Variants in IMMP2L observed in about 807,000 individuals in gnomAD.
The protein encoded by IMMP2L is inner mitochondrial membrane peptidase subunit 2.
A neutral mutation model predicts 19.3 loss-of-function variants in IMMP2L; 18 were observed. The observed-to-expected ratio is 0.93, with a 90% CI of 0.64 to 1.38. The LOEUF is 1.38. Ranked by LOEUF, IMMP2L falls within the 40% of genes most tolerant of loss-of-function variation. The probability of loss-of-function intolerance (pLI) is 0.00; values close to 1 mark genes in which losing one functional copy is unlikely to be tolerated. For missense variants in IMMP2L, 233 were observed against 218.2 expected (o/e 1.07, Z -0.43); for synonymous variants, 76 against 73.0 (o/e 1.04, Z -0.21).
intron 3 of IMMP2L, among the ~76,000 whole-genome samples, chr7:111,189,585 T>C (rs2129612718): frequency 6.6e-6 from 1 of 151,772 alleles, no homozygotes; most frequent in Middle Eastern, 3.4e-3. Flanking sequence ...TAAATATTGG[T>C]CCACATTCTC....
chr7:111,542,575 A>G (rs1005533047), intron 1 of IMMP2L, among the ~76,000 whole-genome samples: 1 of 152,152 alleles, frequency 6.6e-6, no homozygotes, highest in Non-Finnish European at 1.5e-5. Flanking sequence ...CCAGTTATTC[A>G]TAACTCCCAA....
intron 5 of IMMP2L, among the ~76,000 whole-genome samples, chr7:110,761,026 G>A (rs1174735599): frequency 6.6e-6 from 1 of 152,156 alleles, no homozygotes; most frequent in African/African-American, 2.4e-5. Context: ...TTGCTGATGA[G>A]TAAGGGAGAA....
chr7:111,359,938 G>A (rs534478954), intron 3 of IMMP2L, among the ~76,000 whole-genome samples: 17 of 152,006 alleles, frequency 1.1e-4, no homozygotes, highest in African/African-American at 3.9e-4. Context: ...ATGTTCTCTT[G>A]GAGTACAGAA....
rs1562932588 is a variant in IMMP2L at position 111,213,121 on chromosome 7, GC to G, written c.240-249557del. On this transcript the variant is annotated intron_variant, in intron 3 of 5. Coordinates refer to ENST00000405709, the MANE Select transcript of IMMP2L (RefSeq NM_032549.4). This position sits in a 1 kb window ranked among gnomAD's most constrained non-coding sequence, Gnocchi z 4.8. ...TCTACACTCTTGGAGGCCAGGAAAG[GC>G]CCCCTGTCTCTGCAGGCTCAGAGGT... Among the ~76,000 whole-genome samples, 1 of 152,238 alleles carries G rather than the reference GC, an allele frequency of 6.6e-6. No homozygotes were observed. The highest frequency in any genetic ancestry group is 1.9e-4 in the East Asian group (1 of 5,192).
chr7:111,059,155 T>C (rs2129574269), intron 3 of IMMP2L, among the ~76,000 whole-genome samples: 1 of 152,124 alleles, frequency 6.6e-6, no homozygotes, highest in African/African-American at 2.4e-5. Flanking sequence ...GCTAATTTTT[T>C]ATATTTTCAG....
chr7:110,718,489 T>G (rs910658844), intron 5 of IMMP2L, among the ~76,000 whole-genome samples: 3 of 152,218 alleles, frequency 2.0e-5, no homozygotes, highest in Admixed American at 6.5e-5. Context: ...TGGCATTCAG[T>G]GTTTTTAGTA....
intron 3 of IMMP2L, among the ~76,000 whole-genome samples, chr7:111,192,114 AAG>A (rs1808949018): frequency 6.6e-6 from 1 of 152,148 alleles, no homozygotes; most frequent in Non-Finnish European, 1.5e-5. Context: ...ACCCAAGTGG[AAG>A]AGAGAATTTT....
At chr7:110,842,823 TG>T (rs1470356463) in intron 5 of IMMP2L, among the ~76,000 whole-genome samples, 1 of 152,154 alleles carries the variant, frequency 6.6e-6, no homozygotes. Context: ...TGACTAAGCC[TG>T]ACAGAGCTTA....
At chr7:110,802,242 T>C (rs148002583) in intron 5 of IMMP2L, among the ~76,000 whole-genome samples, 8 of 151,988 alleles carry the variant, frequency 5.3e-5, no homozygotes, top group African/African-American at 1.9e-4. Context: ...TTTCATGAAA[T>C]TAGAGGTCCT....
At chr7:111,339,540 C>T (rs1184183238) in intron 3 of IMMP2L, among the ~76,000 whole-genome samples, 2 of 151,872 alleles carry the variant, frequency 1.3e-5, no homozygotes, top group Non-Finnish European at 1.5e-5. Flanking sequence ...GCAACTAAGA[C>T]ACAGTGAAGT....
intron 3 of IMMP2L, among the ~76,000 whole-genome samples, chr7:111,251,359 G>A (rs1342068615): frequency 6.6e-6 from 1 of 152,080 alleles, no homozygotes; most frequent in Non-Finnish European, 1.5e-5. Context: ...CCTAGAGGCA[G>A]AAATACCATT....
rs1190676733 is a variant in IMMP2L at position 111,003,350 on chromosome 7, T to C, written c.240-39785A>G. 5.3e-5 allele frequency among the ~76,000 whole-genome samples: 8 copies of C among 152,182 alleles called. 1 individual carries two copies. On this transcript the variant is annotated intron_variant, in intron 3 of 5. Transcript: ENST00000405709. ...TATAAAGCTATCTGTTTATGAATTA[T>C]TTACATATTTATTTATATAATCAAA...
intron 3 of IMMP2L, among the ~76,000 whole-genome samples, chr7:111,228,811 C>T (rs1243200479): frequency 6.6e-6 from 1 of 151,832 alleles, no homozygotes; most frequent in Non-Finnish European, 1.5e-5. Context: ...AAAGGGTCCC[C>T]ACCATCTTAG....
intron 2 of IMMP2L, among the ~76,000 whole-genome samples, chr7:111,518,005 T>A (rs1451142871): frequency 6.6e-6 from 1 of 152,146 alleles, no homozygotes; most frequent in Non-Finnish European, 1.5e-5. Context: ...AAATCCTATT[T>A]TCCATTGAAT....
At chr7:111,227,733 G>T (rs1396015537) in intron 3 of IMMP2L, among the ~76,000 whole-genome samples, 1 of 152,078 alleles carries the variant, frequency 6.6e-6, no homozygotes, top group Admixed American at 6.6e-5. Flanking sequence ...TTTGTCAAAA[G>T]TATGTTGGTC....
chr7:110,749,984 C>T (rs937998565), intron 5 of IMMP2L, among the ~76,000 whole-genome samples: 2 of 152,026 alleles, frequency 1.3e-5, no homozygotes, highest in African/African-American at 4.8e-5. Flanking sequence ...GAAAGTAATG[C>T]TTTTACTTAG....
intron 4 of IMMP2L, among the ~76,000 whole-genome samples, chr7:110,938,106 T>C (rs1816320113): frequency 6.6e-6 from 1 of 152,154 alleles, no homozygotes; most frequent in South Asian, 2.1e-4. Context: ...TCTTCCTGGC[T>C]TCCAAACTCC....
intron 3 of IMMP2L, among the ~76,000 whole-genome samples, chr7:111,368,907 T>C (rs1240823980): frequency 6.6e-6 from 1 of 151,956 alleles, no homozygotes; most frequent in Non-Finnish European, 1.5e-5. Context: ...GAAGTGTGAA[T>C]TCATTCTGGT....
intron 1 of IMMP2L, among the ~76,000 whole-genome samples, chr7:111,524,765 T>A (rs565795204): frequency 6.6e-6 from 1 of 152,254 alleles, no homozygotes; most frequent in East Asian, 1.9e-4. Context: ...AGAAAAAGTA[T>A]CTGCAGAACA....
Sources: allele counts gnomAD v4.1 joint callset (sites outside exome capture counted in the v4.1 genomes callset), GRCh38; gene constraint gnomAD v4.1.1; non-coding constraint Gnocchi (gnomAD v3.1); transcripts MANE v1.5; gene names NCBI Gene and HGNC (gene_info 2026-07-23, HGNC 2026-07-21).